TSHR: variants seen among roughly 807,000 people sequenced by gnomAD.
The protein encoded by TSHR is thyrotropin receptor.
TSHR carries 51 observed loss-of-function variants against 64.1 expected under a neutral mutation model. The ratio of observed to expected loss-of-function variants is 0.80; its 90% CI spans 0.64 to 1.01. The LOEUF (loss-of-function observed/expected upper bound fraction) is 1.01, where lower values mean the gene tolerates loss of function less well. Among genes scored for constraint, TSHR ranks in the 50% least tolerant of loss-of-function variants. The pLI, the probability that TSHR is intolerant of heterozygous loss-of-function variation, is 0.00. For missense variants in TSHR, 877 were observed against 942.8 expected (o/e 0.93, Z 0.91); for synonymous variants, 361 against 361.9 (o/e 1.00, Z 0.03).
chr14:81,098,923 A>G (rs940519331), intron 7 of TSHR, among the ~76,000 whole-genome samples: 8 of 152,212 alleles, frequency 5.3e-5, no homozygotes, highest in African/African-American at 1.9e-4. Context: ...ATAAGAATCT[A>G]TGCTTCAAAT....
At chr14:81,061,153 T>G (rs1025186107) in intron 1 of TSHR, among the ~76,000 whole-genome samples, 1 of 152,150 alleles carries the variant, frequency 6.6e-6, no homozygotes, top group Non-Finnish European at 1.5e-5. Flanking sequence ...CGAAGAGACT[T>G]TTACTTGTGC....
intron 1 of TSHR, among the ~76,000 whole-genome samples, chr14:80,990,580 C>T (rs1177567747): frequency 6.6e-6 from 1 of 152,196 alleles, no homozygotes; most frequent in Admixed American, 6.5e-5. Flanking sequence ...GAGATTGTTC[C>T]TATTTTGGTT....
rs1888144964 is a variant in TSHR, at chr14:80,981,081, C to T, written c.170+25231C>T. On this transcript the variant is annotated intron_variant, in intron 1 of 9. Coordinates refer to ENST00000298171, the MANE Select transcript of TSHR (RefSeq NM_000369.5). ...TGAAAACTGTGAGATCTTAATGGCT[C>T]TTTCATGGTGAATTGTTACCTTTTT... is the stretch of plus-strand genomic sequence containing the variant. Among the ~76,000 whole-genome samples the T allele has an allele frequency of 3.9e-5, 6 of 152,072 alleles. No homozygotes were observed. The South Asian group carries it at 1.2e-3, about 32-fold the overall frequency.
At chr14:81,089,611 TG>T (rs1477907692) in intron 4 of TSHR, among the ~76,000 whole-genome samples, 1 of 152,104 alleles carries the variant, frequency 6.6e-6, no homozygotes, top group East Asian at 1.9e-4. Context: ...ATACAGTGTT[TG>T]GGGGTTCAGG....
At chr14:81,099,908 G>T (rs768670091) in intron 7 of TSHR, among the ~76,000 whole-genome samples, 2 of 152,166 alleles carry the variant, frequency 1.3e-5, no homozygotes, top group Admixed American at 6.5e-5. Context: ...AGTGTGCTAA[G>T]TGGATCTCAG....
At chr14:81,115,239 A>G (rs1207936594) in intron 8 of TSHR, among the ~76,000 whole-genome samples, 3 of 152,072 alleles carry the variant, frequency 2.0e-5, no homozygotes, top group African/African-American at 7.2e-5. Context: ...TCTGAGCTAC[A>G]GGAGGACATT....
chr14:81,034,954 A>G (rs1360799464), intron 1 of TSHR, among the ~76,000 whole-genome samples: 1 of 152,196 alleles, frequency 6.6e-6, no homozygotes, highest in African/African-American at 2.4e-5. Flanking sequence ...AATGTTAAAT[A>G]AAGTTAAGCA....
chr14:81,053,201 T>C (rs1885533316), intron 1 of TSHR: 1 of 152,184 alleles, frequency 6.6e-6, no homozygotes, highest in Non-Finnish European at 1.5e-5. Flanking sequence ...AGAAAATTGA[T>C]ATCCCAGCTT....
intron 1 of TSHR, among the ~76,000 whole-genome samples, chr14:81,044,671 A>AT (rs1434852659): frequency 1.4e-5 from 2 of 138,110 alleles, no homozygotes; most frequent in Non-Finnish European, 3.3e-5. Flanking sequence ...AAAAAAAAAA[A>AT]AAACACACAC....
chr14:81,098,648 G>C (rs931657784), intron 7 of TSHR, among the ~76,000 whole-genome samples: 1 of 152,128 alleles, frequency 6.6e-6, no homozygotes, highest in African/African-American at 2.4e-5. Flanking sequence ...TAGACATAGA[G>C]TGCACCAAAA....
chr14:81,063,841 A>G (rs1886411491), intron 2 of TSHR, among the ~76,000 whole-genome samples: 1 of 151,928 alleles, frequency 6.6e-6, no homozygotes. Context: ...CAGGGAGAGG[A>G]GTTGGGGAAG....
chr14:81,008,690 T>C (rs1041105412), intron 1 of TSHR, among the ~76,000 whole-genome samples: 2 of 152,220 alleles, frequency 1.3e-5, no homozygotes, highest in African/African-American at 4.8e-5. Context: ...TGTGAAGAAT[T>C]GCTAGCTGTT....
rs3837640 is a variant in TSHR, at chr14:81,108,343, T to TTC, written c.615-20_615-19dup. Reference sequence around the variant, plus strand: ...TGATTTCTTAAAATCACCTAATTCATTCTCTCTCTCTCTTTCTCTCTCTCC... The same window carrying TTC: ...TGATTTCTTAAAATCACCTAATTCATTCTCTCTCTCTCTCTTTCTCTCTCTCC... On this transcript the variant is annotated intron_variant, in intron 7 of 9. Transcript: ENST00000298171. 11,035 of 1,268,172 alleles carry TTC rather than the reference T, an allele frequency of 8.7e-3. 2 individuals are homozygous for TTC. Among genetic ancestry groups the TTC allele is most frequent in the Non-Finnish European group, 1.0e-2 (9,105 of 911,736 alleles). The allele number at this position is 1,268,172 out of a possible 1,614,324, so 78.6% of individuals were successfully genotyped here.
At chr14:80,988,026 T>C (rs2139734918) in intron 1 of TSHR, among the ~76,000 whole-genome samples, 1 of 152,344 alleles carries the variant, frequency 6.6e-6, no homozygotes, top group South Asian at 2.1e-4. Flanking sequence ...GCCCCCTTCC[T>C]GAAAATTCTC....
intron 1 of TSHR, among the ~76,000 whole-genome samples, chr14:80,963,654 G>T (rs577571866): frequency 6.6e-6 from 1 of 152,196 alleles, no homozygotes; most frequent in Non-Finnish European, 1.5e-5. Flanking sequence ...GCAGATCTTA[G>T]CAAGTCTTAT....
chr14:81,092,344 T>C (rs1330121369), intron 5 of TSHR, among the ~76,000 whole-genome samples, 187 bp from the exon 6 acceptor site: 1 of 152,166 alleles, frequency 6.6e-6, no homozygotes, highest in Non-Finnish European at 1.5e-5. Flanking sequence ...GCATGTCATC[T>C]AGGACAGCTC....
At chr14:80,959,323 C>G (rs1566737128) in intron 1 of TSHR, 1 of 152,108 alleles carries the variant, frequency 6.6e-6, no homozygotes, top group Non-Finnish European at 1.5e-5. Context: ...TTTAAGGAAA[C>G]TTAAATGAAG....
intron 8 of TSHR, among the ~76,000 whole-genome samples, chr14:81,112,529 A>G (rs1242251893): frequency 6.6e-6 from 1 of 152,148 alleles, no homozygotes. Context: ...TTATTTGGCC[A>G]TTCACCCAGC....
chr14:81,144,171 GC>G lies in TSHR; in HGVS notation c.2114del (p.Ala705AspfsTer24), dbSNP rs770829896. On this transcript the variant is annotated frameshift_variant, in exon 10 of 10. Transcript: ENST00000298171. LOFTEE classifies it high-confidence loss of function. ...TGGCATCTGTAAACGCCAGGCTCAG[GC>G]ATACCGGGGGCAGAGGGTTCCTCCA... ...KFGICKRQAQ[A>X]YRGQRVPPKN... 1 of 1,614,028 alleles carries G rather than the reference GC, an allele frequency of 6.2e-7. No homozygotes were observed. The highest frequency in any genetic ancestry group is 2.2e-5 in the East Asian group (1 of 44,876).
Sources: gnomAD v4.1 joint callset for allele counts (sites outside exome capture counted in the v4.1 genomes callset) on GRCh38, gnomAD v4.1.1 for gene constraint, MANE v1.5 for transcripts, NCBI Gene and HGNC (gene_info 2026-07-23, HGNC 2026-07-21) for gene names.